The following TTC13 variants were observed in gnomAD, a reference collection of about 807,000 sequenced individuals.
The protein encoded by TTC13 is tetratricopeptide repeat domain 13.
A neutral mutation model predicts 120.0 loss-of-function variants in TTC13; 62 were observed. That is an observed-to-expected ratio of 0.52 (90% CI 0.42 to 0.64). The LOEUF (loss-of-function observed/expected upper bound fraction) is 0.64. Ranked by LOEUF, TTC13 falls within the 30% of genes least tolerant of loss-of-function variation. The pLI is 0.00. For missense variants in TTC13, 824 were observed against 1,050.2 expected (o/e 0.78, Z 2.98); for synonymous variants, 384 against 393.5 (o/e 0.98, Z 0.28).
chr1:230,970,944 G>A (rs936374498), intron 1 of TTC13, among the ~76,000 whole-genome samples: 11 of 152,192 alleles, frequency 7.2e-5, no homozygotes, highest in African/African-American at 4.8e-5. Flanking sequence ...GTAAACCTGC[G>A]AAGAGAAGAC....
chr1:230,967,314 T>C (rs1055912445), intron 1 of TTC13, among the ~76,000 whole-genome samples: 43 of 152,268 alleles, frequency 2.8e-4, no homozygotes, highest in African/African-American at 9.1e-4. Flanking sequence ...CACCTAACAT[T>C]TATCAACATC....
In TTC13 at chr1:230,961,320, CTT is replaced by C. The variant is rs752485580; in HGVS notation, c.272-19_272-18del. 6.4e-7 allele frequency: 1 copy of C among 1,574,502 alleles called. No homozygotes were observed. The highest frequency in any genetic ancestry group is 1.1e-5 in the South Asian group (1 of 88,964). ...AGGATGACTCTGAAAGGCAAGCATT[CTT>C]TGTTATTCTCTACACCTTAATTTAT... On this transcript the variant is annotated intron_variant, in intron 1 of 22. Coordinates refer to ENST00000366661, the MANE Select transcript of TTC13 (RefSeq NM_024525.5).
intron 18 of TTC13, 143 bp downstream of exon 18, chr1:230,916,049 GT>G: frequency 1.5e-6 from 1 of 662,980 alleles, no homozygotes; most frequent in East Asian, 2.6e-5. Context: ...TAAATAACTG[GT>G]TATAACTGCT....
chr1:230,965,383 T>C (rs561654596), intron 1 of TTC13, among the ~76,000 whole-genome samples: 17 of 152,346 alleles, frequency 1.1e-4, no homozygotes, highest in Admixed American at 7.2e-4. Flanking sequence ...GTCAACATCA[T>C]TGATCATCAA....
intron 1 of TTC13, among the ~76,000 whole-genome samples, chr1:230,962,479 T>C (rs912569692): frequency 4.6e-5 from 7 of 152,156 alleles, no homozygotes; most frequent in African/African-American, 1.7e-4. Context: ...GTAGAAAAAT[T>C]GGAACCCTTG....
At chr1:230,947,578 C>T (rs1250227474) in intron 4 of TTC13, among the ~76,000 whole-genome samples, 3 of 151,684 alleles carry the variant, frequency 2.0e-5, no homozygotes, top group East Asian at 1.9e-4. Flanking sequence ...AAAAAAATAT[C>T]ATAATGTTTT....
Position 230,944,929 on chromosome 1 carries a change from C to T in TTC13, c.579+460G>A, listed in dbSNP as rs1347393291. On this transcript the variant is annotated intron_variant, in intron 5 of 22. Coordinates refer to ENST00000366661, the MANE Select transcript of TTC13 (RefSeq NM_024525.5). The surrounding 1 kb of genome is among the most constrained non-coding windows in gnomAD (Gnocchi z 4.0). ...ATTATTATAGTCCTTCTCCAGCCTT[C>T]CTCAGAGAAATAAGGGGAATAATTT... Among the ~76,000 whole-genome samples the T allele has an allele frequency of 6.6e-6, 1 of 152,060 alleles. No individual in the cohort carries two copies. Among genetic ancestry groups the T allele is most frequent in the African/African-American group, 2.4e-5 (1 of 41,404 alleles).
At position 230,974,980 on chromosome 1, in the gene TTC13, A is replaced by C. The variant is rs575337947; in HGVS notation, c.271+3580T>G. ...GAAATTATACTAATATGCAACAATTACTGAAGATAACACACAAATGGTCAG... is the reference window on the plus strand; with the variant it reads ...GAAATTATACTAATATGCAACAATTCCTGAAGATAACACACAAATGGTCAG... On this transcript the variant is annotated intron_variant, in intron 1 of 22. Coordinates refer to ENST00000366661, the MANE Select transcript of TTC13 (RefSeq NM_024525.5). 1.2e-4 allele frequency among the ~76,000 whole-genome samples: 18 copies of C among 152,334 alleles called. No homozygotes were observed. In the South Asian group the frequency reaches 3.5e-3, roughly 30 times the overall value.
chr1:230,908,559 C>T (rs989326794), intron 22 of TTC13, 153 bp downstream of exon 22: 2 of 663,726 alleles, frequency 3.0e-6, no homozygotes, highest in African/African-American at 3.6e-5. Flanking sequence ...AACATTTTAA[C>T]CTTGAAAAAG....
intron 8 of TTC13, among the ~76,000 whole-genome samples, chr1:230,938,050 A>G (rs1428716927): frequency 6.6e-6 from 1 of 152,226 alleles, no homozygotes; most frequent in Non-Finnish European, 1.5e-5. Context: ...TCACAGGTAA[A>G]CACTCTCCCC....
chr1:230,916,801 T>C (rs1672078713), intron 17 of TTC13, among the ~76,000 whole-genome samples: 1 of 152,202 alleles, frequency 6.6e-6, no homozygotes, highest in Non-Finnish European at 1.5e-5. Flanking sequence ...CACCCAACTC[T>C]GTGAGCCACA....
intron 1 of TTC13, among the ~76,000 whole-genome samples, chr1:230,971,443 G>A (rs1017539046): frequency 4.0e-5 from 6 of 151,462 alleles, no homozygotes; most frequent in African/African-American, 1.5e-4. Context: ...ATTCCTTTGA[G>A]AGTGTAATAA....
chr1:230,934,596 T>C (rs371073821), intron 8 of TTC13, among the ~76,000 whole-genome samples: 16 of 152,216 alleles, frequency 1.1e-4, no homozygotes, highest in African/African-American at 3.4e-4. Flanking sequence ...AAGTGTACCA[T>C]TCTATTTAAG....
At chr1:230,968,231 A>T (rs1390104622) in intron 1 of TTC13, among the ~76,000 whole-genome samples, 1 of 150,460 alleles carries the variant, frequency 6.6e-6, no homozygotes, top group Non-Finnish European at 1.5e-5. Flanking sequence ...AAAAACACAC[A>T]TCACATAAAA....
At chr1:230,923,464 T>C (rs972542996) in intron 15 of TTC13, among the ~76,000 whole-genome samples, 1 of 151,970 alleles carries the variant, frequency 6.6e-6, no homozygotes, top group African/African-American at 2.4e-5. Flanking sequence ...GAGAGACTTG[T>C]CAAATAATTT....
rs1430911237 is a variant in TTC13 at position 230,942,935 on chromosome 1, A to G, written c.672+871T>C. On this transcript the variant is annotated intron_variant, in intron 6 of 22. Coordinates refer to ENST00000366661, the MANE Select transcript of TTC13 (RefSeq NM_024525.5). This position sits in a 1 kb window ranked among gnomAD's most constrained non-coding sequence, Gnocchi z 4.0. The stretch of plus-strand genomic sequence containing the variant: ...CAGTATTACATGGCATCTTCACCAC[A>G]TATTATCTGTCTCTATGTCAAGTTC... Among the ~76,000 whole-genome samples, 4 of 152,100 alleles carry G rather than the reference A, an allele frequency of 2.6e-5. No homozygotes were observed. Among genetic ancestry groups the G allele is most frequent in the Non-Finnish European group, 4.4e-5 (3 of 68,024 alleles).
At chr1:230,916,097 A>T (rs1255558288) in intron 18 of TTC13, 96 bp downstream of exon 18, 2 of 924,076 alleles carry the variant, frequency 2.2e-6, no homozygotes, top group East Asian at 4.8e-5. Context: ...AGGATGGAGC[A>T]AAAGTTCAAC....
chr1:230,938,633 G>A (rs527375354), intron 8 of TTC13, among the ~76,000 whole-genome samples: 1 of 152,286 alleles, frequency 6.6e-6, no homozygotes, highest in African/African-American at 2.4e-5. Flanking sequence ...CTCTCAAGGA[G>A]CTGGGTCAAG....
intron 1 of TTC13, among the ~76,000 whole-genome samples, chr1:230,968,131 T>C (rs1677310700): frequency 7.2e-6 from 1 of 139,588 alleles, no homozygotes; most frequent in Admixed American, 7.7e-5. Context: ...ATCAGGCTTA[T>C]CTATTTTATT....
Sources: allele counts gnomAD v4.1 joint callset (sites outside exome capture counted in the v4.1 genomes callset), GRCh38; gene constraint gnomAD v4.1.1; non-coding constraint Gnocchi (gnomAD v3.1); transcripts MANE v1.5; gene names NCBI Gene and HGNC (gene_info 2026-07-23, HGNC 2026-07-21).